The following MTCL1 variants were observed in gnomAD, a reference collection of about 807,000 sequenced individuals.
MTCL1 encodes the protein microtubule cross-linking factor 1.
A neutral mutation model predicts 141.4 loss-of-function variants in MTCL1; 79 were observed. The ratio of observed to expected loss-of-function variants is 0.56; its 90% CI spans 0.47 to 0.67. MTCL1 has a LOEUF of 0.67. Ranked by LOEUF, MTCL1 falls within the 30% of genes least tolerant of loss-of-function variation. The pLI is 0.00. For synonymous variants in MTCL1, 914 were observed against 875.8 expected (o/e 1.04, Z -0.77); for missense variants, 2,177 against 2,113.9 (o/e 1.03, Z -0.59).
intron 6 of MTCL1, among the ~76,000 whole-genome samples, chr18:8,785,128 G>A (rs1330052773): frequency 7.3e-5 from 11 of 151,428 alleles, no homozygotes; most frequent in Non-Finnish European, 1.2e-4. Flanking sequence ...TCCCAGACAC[G>A]AGGCTGAGCC....
At chr18:8,821,723 T>C (rs767830781) in intron 14 of MTCL1, among the ~76,000 whole-genome samples, 2 of 152,204 alleles carry the variant, frequency 1.3e-5, no homozygotes, top group Non-Finnish European at 2.9e-5. Flanking sequence ...AGTTTTATGG[T>C]AAGGACTTTC....
At chr18:8,813,156 G>A in exon 12 of MTCL1, 6 of 1,614,032 alleles carry the variant, frequency 3.7e-6, no homozygotes, top group Non-Finnish European at 5.1e-6. Flanking sequence ...GGAGAAGGTG[G>A]AACTTCTCGA....
intron 7 of MTCL1, chr18:8,789,359 G>C (rs1326387623): frequency 6.2e-6 from 6 of 967,566 alleles, no homozygotes; most frequent in Non-Finnish European, 7.4e-6. Flanking sequence ...TGAAGCCATG[G>C]TCATGGTGAT....
At chr18:8,739,006 A>G (rs542790806) in intron 4 of MTCL1, among the ~76,000 whole-genome samples, 2 of 152,320 alleles carry the variant, frequency 1.3e-5, no homozygotes, top group East Asian at 1.9e-4. Flanking sequence ...GGGGAGGCCA[A>G]AGTGGGAGGG....
intron 8 of MTCL1, among the ~76,000 whole-genome samples, chr18:8,793,938 G>A (rs2075823750): frequency 6.6e-6 from 1 of 152,220 alleles, no homozygotes; most frequent in African/African-American, 2.4e-5. Context: ...CATGTTGACT[G>A]AGGCCATGTG....
intron 4 of MTCL1, among the ~76,000 whole-genome samples, chr18:8,720,742 A>T (rs1228938185): frequency 6.6e-6 from 1 of 152,236 alleles, no homozygotes; most frequent in African/African-American, 2.4e-5. Flanking sequence ...ATACTGTGTG[A>T]TGCTTGCAAA....
At chr18:8,783,383 T>G (rs2096539273) in intron 5 of MTCL1, 147 bp from the exon 5 acceptor site, 1 of 766,286 alleles carries the variant, frequency 1.3e-6, no homozygotes, top group Non-Finnish European at 2.0e-6. Flanking sequence ...GTCTTGGCTG[T>G]TTCTCTATGT....
intron 4 of MTCL1, among the ~76,000 whole-genome samples, chr18:8,726,667 T>C (rs1329298130): frequency 6.6e-6 from 1 of 152,066 alleles, no homozygotes; most frequent in East Asian, 1.9e-4. Flanking sequence ...CATATGAATT[T>C]GGGGGAGGGC....
At chr18:8,807,158 G>T (rs1425365095) in intron 11 of MTCL1, 98 bp downstream of exon 10, 3 of 1,274,250 alleles carry the variant, frequency 2.4e-6, no homozygotes, top group Non-Finnish European at 3.2e-6. Context: ...AGAACCATGG[G>T]CTTCTTGTCC....
rs893842325 is a variant in MTCL1 at position 8,786,400 on chromosome 18, C to T, written c.1887+309C>T. 7 of 592,810 alleles carry T rather than the reference C, an allele frequency of 1.2e-5. No individual in the cohort carries two copies. The African/African-American group carries it at 1.3e-4, about 11-fold the overall frequency. The allele number at this position is 592,810 out of a possible 1,614,324, so 36.7% of individuals were successfully genotyped here. Reference sequence around the variant, plus strand: ...CTGATTGGTGAGTGCGCAGTGGCTTCTTGTCCAGTCGCAGAGAAAGAAGGG... The same window carrying T: ...CTGATTGGTGAGTGCGCAGTGGCTTTTTGTCCAGTCGCAGAGAAAGAAGGG... On this transcript the variant is annotated intron_variant, in intron 7 of 16. Transcript: ENST00000359865.
intron 4 of MTCL1, among the ~76,000 whole-genome samples, chr18:8,725,790 C>CTTTTTTTTTTTTTTTTTTTTTTTTTTT (rs796484848): frequency 3.3e-5 from 2 of 61,070 alleles, no homozygotes; most frequent in African/African-American, 8.1e-5. Context: ...TTTTTTTTTT[C>CTTTTTTTTTTTTTTTTTTTTTTTTTTT]TTTTTTTTTT....
At chr18:8,760,475 G>A (rs1259772052) in intron 4 of MTCL1, among the ~76,000 whole-genome samples, 1 of 152,220 alleles carries the variant, frequency 6.6e-6, no homozygotes. Context: ...TGAGGGGTGT[G>A]TTGTCATCTC....
intron 1 of MTCL1, 106 bp downstream of exon 1, chr18:8,706,819 C>G (rs925115007): frequency 3.4e-6 from 5 of 1,478,384 alleles, no homozygotes; most frequent in Non-Finnish European, 4.5e-6. Context: ...CGCCTTCTCC[C>G]TCCTGCTCTC....
At chr18:8,767,641 A>C (rs1297083943) in intron 4 of MTCL1, among the ~76,000 whole-genome samples, 1 of 152,176 alleles carries the variant, frequency 6.6e-6, no homozygotes, top group Non-Finnish European at 1.5e-5. Context: ...GGGGTCCATC[A>C]GTCTTGTCCA....
chr18:8,784,029 T>A lies in MTCL1; in HGVS notation c.917T>A (p.Leu306His), dbSNP rs1280823764. 1.2e-6 allele frequency: 2 copies of A among 1,613,440 alleles called. No individual in the cohort carries two copies. The highest frequency in any genetic ancestry group is 4.5e-5 in the East Asian group (2 of 44,828). The change falls in exon 6 of 17, where the codon CTC becomes CAC. Residue 306 changes from leucine (L) to histidine (H), a missense_variant. Transcript: ENST00000359865. ...CACAACCGGCAACTGACCCACGAGC[T>A]CAGCAAGTTTAAGTTTGAGCCTCCC...
Position 8,705,897 on chromosome 18 carries a change from C to A in MTCL1, c.237C>A (p.Asn79Lys), listed in dbSNP as rs1470474530. The A allele has an allele frequency of 3.6e-6, 4 of 1,105,624 alleles. No individual in the cohort carries two copies. In the Admixed American group the frequency reaches 2.0e-4, roughly 56 times the overall value. The allele number at this position is 1,105,624 out of a possible 1,614,324, so 68.5% of individuals were successfully genotyped here. ...CTCCCGCCGCCCCGCGCTCGCCCAA[C>A]CTCGCGGGCAAAGCGCCGCCCTCGC... Residue 79 changes from asparagine to lysine, a missense_variant, in exon 1 of 14, where the codon AAC (asparagine) becomes AAA (lysine). Physicochemically the swap from Asn to Lys is moderately conservative, Grantham distance 94. Coordinates refer to the MTCL1 transcript ENST00000306329. The surrounding 1 kb of genome is among the most constrained non-coding windows in gnomAD (Gnocchi z 5.2).
intron 5 of MTCL1, 165 bp downstream of exon 4, chr18:8,778,057 T>G: frequency 1.9e-6 from 1 of 539,044 alleles, no homozygotes; most frequent in Non-Finnish European, 3.2e-6. Flanking sequence ...AACATTTTCT[T>G]TGCAAACCCA....
chr18:8,786,274 G>C (rs1353386111), intron 7 of MTCL1, 183 bp downstream of exon 6: 3 of 746,408 alleles, frequency 4.0e-6, no homozygotes, highest in South Asian at 1.5e-5. Flanking sequence ...GGTGTGCGCA[G>C]GTGCCTGCGG....
In MTCL1 at chr18:8,823,423, G is replaced by C. The variant is rs139423456; in HGVS notation, c.3189-1276G>C. ...AAATGTGGAAAGGACCAGGGTGTTGGCATGTGTCCGGCACTTACAGTCCCC... is the reference window on the plus strand; with the variant it reads ...AAATGTGGAAAGGACCAGGGTGTTGCCATGTGTCCGGCACTTACAGTCCCC... On this transcript the variant is annotated intron_variant, in intron 14 of 16. Coordinates refer to ENST00000359865, the Ensembl canonical transcript of MTCL1. Among the ~76,000 whole-genome samples, 26 of 152,316 alleles carry C rather than the reference G, an allele frequency of 1.7e-4. No individual in the cohort carries two copies. The South Asian group carries it at 5.4e-3, about 32-fold the overall frequency.
Sources: gnomAD v4.1 joint callset for allele counts (sites outside exome capture counted in the v4.1 genomes callset) on GRCh38, gnomAD v4.1.1 for gene constraint, Gnocchi (gnomAD v3.1) non-coding constraint, MANE v1.5 for transcripts, NCBI Gene and HGNC (gene_info 2026-07-23, HGNC 2026-07-21) for gene names.